Variants in CEBPB observed in about 807,000 individuals in gnomAD.
The protein encoded by CEBPB is CCAAT enhancer binding protein beta, also known as CCAAT/enhancer-binding protein beta.
For synonymous variants in CEBPB, 295 were observed against 267.1 expected (o/e 1.10, Z -1.02); for missense variants, 498 against 533.1 (o/e 0.93, Z 0.65).
Position 50,191,426 on chromosome 20 carries a change from C to T in CEBPB, c.393C>T (p.Cys131=), listed in dbSNP as rs370879442. The part of the protein sequence containing the change: ...LFSDDYGGKN[C]KKPAEYGYVS... Reference sequence around the variant, plus strand: ...CCGACGACTACGGGGGCAAGAACTGCAAGAAGCCGGCCGAGTACGGCTACG... The same window carrying T: ...CCGACGACTACGGGGGCAAGAACTGTAAGAAGCCGGCCGAGTACGGCTACG... The change falls in exon 1 of 1, where the codon TGC becomes TGT. Residue 131 remains cysteine, a synonymous_variant. Coordinates refer to ENST00000303004, the MANE Select transcript of CEBPB (RefSeq NM_005194.4). 1,008 of 1,525,030 alleles carry T rather than the reference C, an allele frequency of 6.6e-4. 2 individuals are homozygous for T. The African/African-American group carries it at 7.1e-3, about 11-fold the overall frequency. 94.5% of individuals were successfully genotyped at this position (1,525,030 alleles called of 1,614,324 possible).
chr20:50,191,412 G>A lies in CEBPB; in HGVS notation c.379G>A (p.Gly127Arg), dbSNP rs775313594. The A allele has an allele frequency of 2.0e-6, 3 of 1,521,592 alleles. No homozygotes were observed. Among genetic ancestry groups the A allele is most frequent in the Non-Finnish European group, 2.6e-6 (3 of 1,132,148 alleles). 94.3% of individuals were successfully genotyped at this position (1,521,592 alleles called of 1,614,324 possible). A position where few individuals can be genotyped will look rare whatever the true frequency, so the allele number is the denominator to read the frequency against. Residue 127 changes from glycine to arginine, a missense_variant, in exon 1 of 1, where the codon GGG becomes AGG. Coordinates refer to ENST00000303004, the MANE Select transcript of CEBPB (RefSeq NM_005194.4). ...FLSDLFSDDY[G>R]GKNCKKPAEY... is the part of the protein sequence containing the mutation. The stretch of plus-strand genomic sequence containing the variant: ...CTCCGACCTCTTCTCCGACGACTAC[G>A]GGGGCAAGAACTGCAAGAAGCCGGC...
At position 50,191,372 on chromosome 20, in the gene CEBPB, G is replaced by A; in HGVS notation, c.339G>A (p.Gln113=). Residue 113 remains glutamine (Q), a synonymous_variant, in exon 1 of 1, where the codon CAG becomes CAA. Transcript: ENST00000303004. ...APAPAPASSG[Q]HHDFLSDLFS... The stretch of plus-strand genomic sequence containing the variant: ...CCCCCGCGCCCGCCTCCTCCGGGCA[G>A]CACCACGACTTCCTCTCCGACCTCT... 1 of 1,488,874 alleles carries A rather than the reference G, an allele frequency of 6.7e-7. No homozygotes were observed. The highest frequency in any genetic ancestry group is 2.2e-5 in the Admixed American group (1 of 46,460). The allele number at this position is 1,488,874 out of a possible 1,614,324, so 92.2% of individuals were successfully genotyped here.
chr20:50,191,921 C>G lies in CEBPB; in HGVS notation c.888C>G (p.Asn296Lys). 1 of 1,613,016 alleles carries G rather than the reference C, an allele frequency of 6.2e-7. No individual in the cohort carries two copies. The highest frequency in any genetic ancestry group is 8.5e-7 in the Non-Finnish European group (1 of 1,179,672). ...RKSRDKAKMR[N>K]LETQHKVLEL... ...GCCGCGACAAGGCCAAGATGCGCAA[C>G]CTGGAGACGCAGCACAAGGTCCTGG... Residue 296 changes from asparagine to lysine, a missense_variant, in exon 1 of 1, where the codon AAC (asparagine) becomes AAG (lysine). Transcript: ENST00000303004.
chr20:50,192,010 C>G lies in CEBPB; in HGVS notation c.977C>G (p.Thr326Ser). Residue 326 changes from threonine (T) to serine (S), a missense_variant, in exon 1 of 1, where the codon ACC becomes AGC. By Grantham distance (58) the Thr-to-Ser change is moderately conservative. Coordinates refer to ENST00000303004, the MANE Select transcript of CEBPB (RefSeq NM_005194.4). ...GAGCAGCTGTCGCGCGAGCTCAGCA[C>G]CCTGCGGAACTTGTTCAAGCAGCTG... Reference protein sequence around the residue: ...KVEQLSRELSTLRNLFKQLPE... With the variant: ...KVEQLSRELSSLRNLFKQLPE... 1 of 1,606,576 alleles carries G rather than the reference C, an allele frequency of 6.2e-7. No homozygotes were observed. The highest frequency in any genetic ancestry group is 8.5e-7 in the Non-Finnish European group (1 of 1,177,542).
In CEBPB at chr20:50,191,525, C is replaced by CCCGCCG. The variant is rs752166221; in HGVS notation, c.504_509dup (p.Pro169_Pro170dup). On this transcript the variant is annotated inframe_insertion, in exon 1 of 1. Transcript: ENST00000303004. ...GCTTCGCGCCCCTGCACCCACCGCC[C>CCCGCCG]CCGCCGCCGCCGCCGCCCGCCGAGC... 69 of 1,310,846 alleles carry CCCGCCG rather than the reference C, an allele frequency of 5.3e-5. No individual in the cohort carries two copies. The highest frequency in any genetic ancestry group is 6.3e-5 in the African/African-American group (4 of 63,912). The allele number at this position is 1,310,846 out of a possible 1,614,324, so 81.2% of individuals were successfully genotyped here. A position where few individuals can be genotyped will look rare whatever the true frequency, so the allele number is the denominator to read the frequency against.
chr20:50,191,818 AGGCCAAGAAGACCGTG>A lies in CEBPB; in HGVS notation c.787_802del (p.Ala263ThrfsTer126). 6.3e-7 allele frequency: 1 copy of A among 1,585,962 alleles called. No individual in the cohort carries two copies. Among genetic ancestry groups the A allele is most frequent in the Non-Finnish European group, 8.6e-7 (1 of 1,166,974 alleles). On this transcript the variant is annotated frameshift_variant, in exon 1 of 1. Transcript: ENST00000303004. LOFTEE classifies it high-confidence loss of function. ...CCGGCGCCCTCGCAGGTCAAGAGCA[AGGCCAAGAAGACCGTG>A]GACAAGCACAGCGACGAGTACAAGA...
In CEBPB at chr20:50,191,592, A is replaced by C; in HGVS notation, c.559A>C (p.Lys187Gln). ...PGFEPADCKRKEEAGAPGGGA... is the reference protein window; with the variant it reads ...PGFEPADCKRQEEAGAPGGGA... Reference sequence around the variant, plus strand: ...CTTCGAGCCCGCGGACTGCAAGCGGAAGGAGGAGGCCGGGGCGCCGGGCGG... The same window carrying C: ...CTTCGAGCCCGCGGACTGCAAGCGGCAGGAGGAGGCCGGGGCGCCGGGCGG... Residue 187 changes from lysine to glutamine, a missense_variant, in exon 1 of 1, where the codon AAG (lysine) becomes CAG (glutamine). Lys to Gln is a moderately conservative substitution (Grantham distance 53). Transcript: ENST00000303004. 1 of 1,348,608 alleles carries C rather than the reference A, an allele frequency of 7.4e-7. No homozygotes were observed. Among genetic ancestry groups the C allele is most frequent in the South Asian group, 1.9e-5 (1 of 51,522 alleles). The allele number at this position is 1,348,608 out of a possible 1,614,324, so 83.5% of individuals were successfully genotyped here.
rs1228746055 is a variant in CEBPB at position 50,191,741 on chromosome 20, G to A, written c.708G>A (p.Pro236=). The part of the protein sequence containing the change: ...TSSSSSPPGT[P]SPADAKAPPT... ...CCTCGTCCAGCCCGCCCGGCACGCC[G>A]AGCCCCGCTGACGCCAAGGCGCCCC... Residue 236 remains proline (P), a synonymous_variant, in exon 1 of 1, where the codon CCG becomes CCA. Coordinates refer to ENST00000303004, the MANE Select transcript of CEBPB (RefSeq NM_005194.4). 3.9e-6 allele frequency: 6 copies of A among 1,526,260 alleles called. No homozygotes were observed. The highest frequency in any genetic ancestry group is 1.4e-5 in the African/African-American group (1 of 70,564). The allele number at this position is 1,526,260 out of a possible 1,614,324, so 94.5% of individuals were successfully genotyped here.
upstream of CEBPB, chr20:50,190,665 T>A: frequency 6.1e-6 from 1 of 163,376 alleles, no homozygotes. Context: ...GAAAACGCGC[T>A]CCGGGTGCCC....
In CEBPB at chr20:50,191,442, T is replaced by C. The variant is rs1275211281; in HGVS notation, c.409T>C (p.Tyr137His). 1.3e-6 allele frequency: 2 copies of C among 1,519,416 alleles called. No homozygotes were observed. Among genetic ancestry groups the C allele is most frequent in the South Asian group, 1.2e-5 (1 of 83,426 alleles). The allele number at this position is 1,519,416 out of a possible 1,614,324, so 94.1% of individuals were successfully genotyped here. A position where few individuals can be genotyped will look rare whatever the true frequency, so the allele number is the denominator to read the frequency against. ...CAAGAACTGCAAGAAGCCGGCCGAG[T>C]ACGGCTACGTGAGCCTGGGGCGCCT... is the stretch of plus-strand genomic sequence containing the variant. ...GGKNCKKPAE[Y>H]GYVSLGRLGA... The change falls in exon 1 of 1, where the codon TAC (tyrosine) becomes CAC (histidine). Residue 137 changes from tyrosine to histidine, a missense_variant. Transcript: ENST00000303004.
In CEBPB at chr20:50,191,523, C is replaced by T; in HGVS notation, c.490C>T (p.Pro164Ser). The change falls in exon 1 of 1, where the codon CCC (proline) becomes TCC (serine). Residue 164 changes from proline to serine, a missense_variant. Transcript: ENST00000303004. Reference sequence around the variant, plus strand: ...CTGCTTCGCGCCCCTGCACCCACCGCCCCCGCCGCCGCCGCCGCCCGCCGA... The same window carrying T: ...CTGCTTCGCGCCCCTGCACCCACCGTCCCCGCCGCCGCCGCCGCCCGCCGA... ...PGCFAPLHPPPPPPPPPAELK... is the reference protein window; with the variant it reads ...PGCFAPLHPPSPPPPPPAELK... 1.5e-6 allele frequency: 2 copies of T among 1,315,190 alleles called. No individual in the cohort carries two copies. The highest frequency in any genetic ancestry group is 1.9e-6 in the Non-Finnish European group (2 of 1,037,204). The allele number at this position is 1,315,190 out of a possible 1,614,324, so 81.5% of individuals were successfully genotyped here.
Position 50,192,072 on chromosome 20 carries a change from C to T in CEBPB, c.*1C>T, listed in dbSNP as rs2081582716. 5 of 1,523,944 alleles carry T rather than the reference C, an allele frequency of 3.3e-6. No homozygotes were observed. The highest frequency in any genetic ancestry group is 3.5e-6 in the Non-Finnish European group (4 of 1,138,830). 94.4% of individuals were successfully genotyped at this position (1,523,944 alleles called of 1,614,324 possible). Reference sequence around the variant, plus strand: ...GCTCGCCTCCTCCGGCCACTGCTAGCGCGGCCCCCGCGCGCGTCCCCCTGC... The same window carrying T: ...GCTCGCCTCCTCCGGCCACTGCTAGTGCGGCCCCCGCGCGCGTCCCCCTGC... On this transcript the variant is annotated 3_prime_UTR_variant, in exon 1 of 1. Transcript: ENST00000303004.
In CEBPB at chr20:50,191,150, G is replaced by T; in HGVS notation, c.117G>T (p.Ala39=). The T allele has an allele frequency of 1.3e-6, 2 of 1,514,326 alleles. No homozygotes were observed. Among genetic ancestry groups the T allele is most frequent in the Non-Finnish European group, 8.8e-7 (1 of 1,135,266 alleles). 93.8% of individuals were successfully genotyped at this position (1,514,326 alleles called of 1,614,324 possible). A position where few individuals can be genotyped will look rare whatever the true frequency, so the allele number is the denominator to read the frequency against. ...FYYEADCLAA[A]YGGKAAPAAP... ...ACGAGGCGGACTGCTTGGCTGCTGCGTACGGCGGCAAGGCGGCCCCCGCGG... is the reference window on the plus strand; with the variant it reads ...ACGAGGCGGACTGCTTGGCTGCTGCTTACGGCGGCAAGGCGGCCCCCGCGG... The change falls in exon 1 of 1, where the codon GCG becomes GCT. Residue 39 remains alanine (A), a synonymous_variant. Transcript: ENST00000303004.
Position 50,190,916 on chromosome 20 carries a change from G to C in CEBPB, c.-118G>C. 2 of 1,281,476 alleles carry C rather than the reference G, an allele frequency of 1.6e-6. No individual in the cohort carries two copies. The highest frequency in any genetic ancestry group is 2.0e-6 in the Non-Finnish European group (2 of 1,005,928). The allele number at this position is 1,281,476 out of a possible 1,614,324, so 79.4% of individuals were successfully genotyped here. Reference sequence around the variant, plus strand: ...CCCCTCACTAATAGCGGCCACCCCGGCAGCGGCGGCAGCAGCAGCAGCGAC... The same window carrying C: ...CCCCTCACTAATAGCGGCCACCCCGCCAGCGGCGGCAGCAGCAGCAGCGAC... On this transcript the variant is annotated 5_prime_UTR_variant, in exon 1 of 1. Coordinates refer to ENST00000303004, the MANE Select transcript of CEBPB (RefSeq NM_005194.4).
Position 50,191,145 on chromosome 20 carries a change from G to C in CEBPB, c.112G>C (p.Ala38Pro). The C allele has an allele frequency of 6.6e-7, 1 of 1,520,692 alleles. No individual in the cohort carries two copies. Among genetic ancestry groups the C allele is most frequent in the Non-Finnish European group, 8.8e-7 (1 of 1,138,564 alleles). The allele number at this position is 1,520,692 out of a possible 1,614,324, so 94.2% of individuals were successfully genotyped here. A position where few individuals can be genotyped will look rare whatever the true frequency, so the allele number is the denominator to read the frequency against. The change falls in exon 1 of 1, where the codon GCT becomes CCT. Residue 38 changes from alanine to proline, a missense_variant. By Grantham distance (27) the Ala-to-Pro change is conservative. Coordinates refer to ENST00000303004, the MANE Select transcript of CEBPB (RefSeq NM_005194.4). ...NFYYEADCLA[A>P]AYGGKAAPAA... ...CTACTACGAGGCGGACTGCTTGGCT[G>C]CTGCGTACGGCGGCAAGGCGGCCCC...
rs776384999 is a variant in CEBPB, at chr20:50,191,017, C to G, written c.-17C>G. 6.6e-7 allele frequency: 1 copy of G among 1,506,408 alleles called. No homozygotes were observed. Among genetic ancestry groups the G allele is most frequent in the Admixed American group, 2.0e-5 (1 of 48,792 alleles). The allele number at this position is 1,506,408 out of a possible 1,614,324, so 93.3% of individuals were successfully genotyped here. A position where few individuals can be genotyped will look rare whatever the true frequency, so the allele number is the denominator to read the frequency against. On this transcript the variant is annotated 5_prime_UTR_variant, in exon 1 of 1. Transcript: ENST00000303004. ...GGAGCGGGCAGCCCCAGGCCCCCTC[C>G]CCGGGCACCCGCGTTCATGCAACGC...
rs4253439 is a variant in CEBPB at position 50,191,474 on chromosome 20, C to G, written c.441C>G (p.Ala147=). ...YGYVSLGRLG[A]AKGALHPGCF... is the part of the protein sequence containing the mutation. ...ACGTGAGCCTGGGGCGCCTGGGGGC[C>G]GCCAAGGGCGCGCTGCACCCCGGCT... Residue 147 remains alanine, a synonymous_variant, in exon 1 of 1, where the codon GCC becomes GCG. Coordinates refer to ENST00000303004, the MANE Select transcript of CEBPB (RefSeq NM_005194.4). The G allele has an allele frequency of 3.6e-5, 53 of 1,475,290 alleles. No individual in the cohort carries two copies. Among genetic ancestry groups the G allele is most frequent in the Non-Finnish European group, 1.8e-6 (2 of 1,109,842 alleles). 91.4% of individuals were successfully genotyped at this position (1,475,290 alleles called of 1,614,324 possible). A position where few individuals can be genotyped will look rare whatever the true frequency, so the allele number is the denominator to read the frequency against.
In CEBPB at chr20:50,191,334, C is replaced by CCGCCCGCGCCCG. The variant is rs1167086760; in HGVS notation, c.303_314dup (p.Pro106_Ala109dup). ...GGCCACGGACACCTTCGAGGCGGCT[C>CCGCCCGCGCCCG]CGCCCGCGCCCGCCCCCGCGCCCGC... On this transcript the variant is annotated inframe_insertion, in exon 1 of 1. Coordinates refer to ENST00000303004, the MANE Select transcript of CEBPB (RefSeq NM_005194.4). The CCGCCCGCGCCCG allele has an allele frequency of 6.2e-6, 9 of 1,443,798 alleles. No individual in the cohort carries two copies. The highest frequency in any genetic ancestry group is 8.2e-6 in the Non-Finnish European group (9 of 1,091,942). 89.4% of individuals were successfully genotyped at this position (1,443,798 alleles called of 1,614,324 possible).
Position 50,191,210 on chromosome 20 carries a change from C to T in CEBPB, c.177C>T (p.Pro59=), listed in dbSNP as rs757759167. ...CGGCCAGACCCGGGCCGCGCCCCCC[C>T]GCCGGCGAGCTGGGCAGCATCGGCG... The part of the protein sequence containing the change: ...PPAARPGPRP[P]AGELGSIGDH... Residue 59 remains proline (P), a synonymous_variant, in exon 1 of 1, where the codon CCC becomes CCT. Transcript: ENST00000303004. 7.9e-5 allele frequency: 103 copies of T among 1,300,438 alleles called. No homozygotes were observed. The African/African-American group carries it at 1.3e-3, about 17-fold the overall frequency. 80.6% of individuals were successfully genotyped at this position (1,300,438 alleles called of 1,614,324 possible). A position where few individuals can be genotyped will look rare whatever the true frequency, so the allele number is the denominator to read the frequency against.
Sources: allele counts gnomAD v4.1 joint callset, GRCh38; gene constraint gnomAD v4.1.1; transcripts MANE v1.5; gene names NCBI Gene and HGNC (gene_info 2026-07-23, HGNC 2026-07-21).